The following PDE8A variants were observed in gnomAD, a reference collection of about 807,000 sequenced individuals.
PDE8A encodes the protein high affinity cAMP-specific and IBMX-insensitive 3',5'-cyclic phosphodiesterase 8A.
In PDE8A, 59 loss-of-function variants were observed where a neutral mutation model predicts 105.0. The ratio of observed to expected loss-of-function variants is 0.56; its 90% CI spans 0.46 to 0.70. The LOEUF is 0.70. Ranked by LOEUF, PDE8A falls within the 30% of genes least tolerant of loss-of-function variation. The pLI is 0.00. For synonymous variants in PDE8A, 355 were observed against 371.9 expected, an observed-to-expected ratio of 0.95 and a Z score of 0.52; for missense variants, 1,014 against 1,045.9, an observed-to-expected ratio of 0.97 and a Z score of 0.42.
At chr15:85,097,229 C>T (rs1310996482) in intron 8 of PDE8A, among the ~76,000 whole-genome samples, 1 of 152,160 alleles carries the variant, frequency 6.6e-6, no homozygotes, top group Non-Finnish European at 1.5e-5. Flanking sequence ...CAGCTCCATC[C>T]TGGCTTTCCC....
chr15:85,136,791 A>G (rs1198570838), intron 21 of PDE8A, 128 bp downstream of exon 21: 2 of 894,980 alleles, frequency 2.2e-6, no homozygotes, highest in East Asian at 5.6e-5. Flanking sequence ...GAGCGAAGTG[A>G]ACCATCACCG....
chr15:85,080,096 CA>C (rs1408855242), intron 5 of PDE8A, among the ~76,000 whole-genome samples: 6 of 152,168 alleles, frequency 3.9e-5, no homozygotes, highest in Admixed American at 3.9e-4. Context: ...ACAAAAAGAA[CA>C]CAGATATTGA....
intron 1 of PDE8A, among the ~76,000 whole-genome samples, chr15:85,024,735 C>CTGAG (rs1437837032): frequency 5.8e-4 from 89 of 152,196 alleles, no homozygotes; most frequent in African/African-American, 2.0e-3. Context: ...TTGACTCTTA[C>CTGAG]TGAGTGACCT....
At chr15:85,109,227 A>G in intron 12 of PDE8A, 97 bp downstream of exon 12, 1 of 718,328 alleles carries the variant, frequency 1.4e-6, no homozygotes, top group Non-Finnish European at 2.3e-6. Flanking sequence ...GTCTACCTCC[A>G]ATTCTTGGGA....
chr15:85,119,874 A>G (rs1180633784), intron 17 of PDE8A, among the ~76,000 whole-genome samples: 1 of 152,150 alleles, frequency 6.6e-6, no homozygotes, highest in African/African-American at 2.4e-5. Flanking sequence ...TTATATAGTT[A>G]AAGGTTTATG....
At chr15:85,019,196 A>G (rs1567232059) in intron 1 of PDE8A, among the ~76,000 whole-genome samples, 1 of 152,164 alleles carries the variant, frequency 6.6e-6, no homozygotes, top group Non-Finnish European at 1.5e-5. Context: ...AATGTATATG[A>G]GTGATGGATG....
At chr15:85,094,146 A>C (rs982773551) in intron 8 of PDE8A, among the ~76,000 whole-genome samples, 16 of 152,152 alleles carry the variant, frequency 1.1e-4, no homozygotes, top group African/African-American at 3.9e-4. Context: ...TACAGGCGTG[A>C]GCCACCATGC....
intron 11 of PDE8A, among the ~76,000 whole-genome samples, chr15:85,105,122 G>C (rs2081928373): frequency 6.6e-6 from 1 of 152,262 alleles, no homozygotes; most frequent in African/African-American, 2.4e-5. Flanking sequence ...TCTTGTTCAG[G>C]TGGTATGGAA....
Position 85,067,024 on chromosome 15 carries a change from T to TTAA in PDE8A, c.254_255insTAA (p.Val85_Phe86insLys). ...GCTCTTTTGATTCAGGTACTTTTAG[T>TTAA]GTTTACCAAAGAAGATAACCAATGT... On this transcript the variant is annotated inframe_insertion, in exon 3 of 22. Transcript: ENST00000394553. 6.2e-7 allele frequency: 1 copy of TTAA among 1,600,352 alleles called. No individual in the cohort carries two copies. The highest frequency in any genetic ancestry group is 8.5e-7 in the Non-Finnish European group (1 of 1,173,928).
chr15:85,095,118 A>G (rs2081721312), intron 8 of PDE8A, among the ~76,000 whole-genome samples: 1 of 152,158 alleles, frequency 6.6e-6, no homozygotes, highest in South Asian at 2.1e-4. Context: ...AGCTTGGTGC[A>G]TAGCTTGTAG....
At chr15:85,049,197 G>A (rs187128860) in intron 1 of PDE8A, among the ~76,000 whole-genome samples, 56 of 152,226 alleles carry the variant, frequency 3.7e-4, no homozygotes, top group African/African-American at 1.2e-3. Flanking sequence ...TACACATAAC[G>A]TAAAATATAC....
intron 9 of PDE8A, among the ~76,000 whole-genome samples, chr15:85,098,542 C>G (rs1001405418): frequency 6.6e-6 from 1 of 151,898 alleles, no homozygotes; most frequent in Non-Finnish European, 1.5e-5. Context: ...AGAAACCTAT[C>G]TTAAAGAAAT....
chr15:85,058,250 C>G (rs568022560), intron 1 of PDE8A, among the ~76,000 whole-genome samples: 1 of 152,056 alleles, frequency 6.6e-6, no homozygotes, highest in African/African-American at 2.4e-5. Context: ...CCAGCTTTTT[C>G]TTCTTCTTCT....
At chr15:84,993,239 C>G (rs551602886) in intron 1 of PDE8A, among the ~76,000 whole-genome samples, 28 of 150,948 alleles carry the variant, frequency 1.9e-4, no homozygotes, top group East Asian at 1.0e-3. Context: ...GTCAGGAGAT[C>G]AAGACCATCC....
At chr15:85,126,844 C>T (rs539309729) in intron 20 of PDE8A, among the ~76,000 whole-genome samples, 1 of 152,266 alleles carries the variant, frequency 6.6e-6, no homozygotes, top group Admixed American at 6.5e-5. Context: ...ATCTTGCAAT[C>T]AGCCAGAGGA....
chr15:85,001,369 C>CA (rs2080065017), intron 1 of PDE8A, among the ~76,000 whole-genome samples: 3 of 151,866 alleles, frequency 2.0e-5, no homozygotes, highest in Non-Finnish European at 4.4e-5. Context: ...TATTCCATTA[C>CA]AAAAACAAAA....
intron 1 of PDE8A, among the ~76,000 whole-genome samples, chr15:85,033,663 G>A (rs1015395547): frequency 6.6e-6 from 1 of 152,082 alleles, no homozygotes; most frequent in African/African-American, 2.4e-5. Flanking sequence ...TCAGGAGCTC[G>A]AGACTAGCCT....
chr15:85,026,695 CTTG>C (rs1376733929), intron 1 of PDE8A, among the ~76,000 whole-genome samples: 5 of 152,162 alleles, frequency 3.3e-5, no homozygotes, highest in Non-Finnish European at 5.9e-5. Flanking sequence ...AAGATAGATG[CTTG>C]AGCCCAAAAG....
At chr15:85,125,955 A>G (rs2082251777) in intron 19 of PDE8A, among the ~76,000 whole-genome samples, 1 of 152,166 alleles carries the variant, frequency 6.6e-6, no homozygotes, top group Non-Finnish European at 1.5e-5. Context: ...GAAAAGGGGA[A>G]GGGCAGATAT....
Sources: allele counts gnomAD v4.1 joint callset (sites outside exome capture counted in the v4.1 genomes callset), GRCh38; gene constraint gnomAD v4.1.1; transcripts MANE v1.5; gene names NCBI Gene and HGNC (gene_info 2026-07-23, HGNC 2026-07-21).